Variants in ANKRD52 observed in about 807,000 individuals in gnomAD.
ANKRD52 encodes serine/threonine-protein phosphatase 6 regulatory ankyrin repeat subunit C.
Under a neutral mutation model 116.0 loss-of-function variants are expected in ANKRD52, and 7 were observed. That is an observed-to-expected ratio of 0.06 (90% CI 0.03 to 0.11). The LOEUF (loss-of-function observed/expected upper bound fraction) is 0.11, where lower values mean the gene tolerates loss of function less well. Among genes scored for constraint, ANKRD52 ranks in the 10% least tolerant of loss-of-function variants. The probability of loss-of-function intolerance (pLI) is 1.00; values close to 1 mark genes in which losing one functional copy is unlikely to be tolerated. For synonymous variants in ANKRD52, 528 were observed against 578.1 expected (o/e 0.91, Z 1.24); for missense variants, 839 against 1,408.6 (o/e 0.60, Z 6.47).
At chr12:56,250,821 A>T (rs1446346915) in intron 15 of ANKRD52, among the ~76,000 whole-genome samples, 1 of 151,960 alleles carries the variant, frequency 6.6e-6, no homozygotes, top group Non-Finnish European at 1.5e-5. Context: ...TCCCGTCATT[A>T]ACATCTTACA....
At position 56,248,913 on chromosome 12, in the gene ANKRD52, C is replaced by T. The variant is rs1214702798; in HGVS notation, c.1593-43G>A. The T allele has an allele frequency of 1.4e-6, 2 of 1,424,900 alleles. No homozygotes were observed. The highest frequency in any genetic ancestry group is 4.3e-5 in the Admixed American group (2 of 46,380). The allele number at this position is 1,424,900 out of a possible 1,614,324, so 88.3% of individuals were successfully genotyped here. Reference sequence around the variant, plus strand: ...GACTGTGAGGCAGGGACAGGCCCAGCCCAGGAGGGCACAGTTCTGGGAGGG... The same window carrying T: ...GACTGTGAGGCAGGGACAGGCCCAGTCCAGGAGGGCACAGTTCTGGGAGGG... On this transcript the variant is annotated intron_variant, in intron 15 of 27. Transcript: ENST00000267116. This position sits in a 1 kb window ranked among gnomAD's most constrained non-coding sequence, Gnocchi z 5.1.
At chr12:56,249,794 C>T (rs1422489855) in intron 15 of ANKRD52, among the ~76,000 whole-genome samples, 4 of 152,100 alleles carry the variant, frequency 2.6e-5, no homozygotes, top group Non-Finnish European at 5.9e-5. Context: ...AATCCTAGCA[C>T]TTTGGGAGGC....
At position 56,244,731 on chromosome 12, in the gene ANKRD52, T is replaced by C; in HGVS notation, c.2643A>G (p.Gln881=). 6.2e-7 allele frequency: 1 copy of C among 1,613,884 alleles called. No homozygotes were observed. Among genetic ancestry groups the C allele is most frequent in the Non-Finnish European group, 8.5e-7 (1 of 1,179,882 alleles). The change falls in exon 24 of 28, where the codon CAA becomes CAG. Residue 881 remains glutamine, a synonymous_variant. Coordinates refer to ENST00000267116, the MANE Select transcript of ANKRD52 (RefSeq NM_173595.4). The surrounding 1 kb of genome is among the most constrained non-coding windows in gnomAD (Gnocchi z 4.9). ...VSGLRMLLQH[Q]AEVNATDHTG... is the part of the protein sequence containing the mutation. The stretch of plus-strand genomic sequence containing the variant: ...TGTGGTCAGTGGCGTTCACCTCAGC[T>C]TGATGCTGCAGCAGCATCCGGAGCC...
At position 56,254,989 on chromosome 12, in the gene ANKRD52, G is replaced by A; in HGVS notation, c.463-37C>T. The A allele has an allele frequency of 3.1e-6, 5 of 1,589,764 alleles. No individual in the cohort carries two copies. Among genetic ancestry groups the A allele is most frequent in the Non-Finnish European group, 4.3e-6 (5 of 1,159,394 alleles). On this transcript the variant is annotated intron_variant, in intron 5 of 27. Transcript: ENST00000267116. This position sits in a 1 kb window ranked among gnomAD's most constrained non-coding sequence, Gnocchi z 4.6. ...TATGAAAGACACCTGTTCAGAGCTA[G>A]ATTCGTGCCCTCAACCTACCTAAGA...
chr12:56,251,004 G>A lies in ANKRD52; in HGVS notation c.1592+1011C>T, dbSNP rs536815784. Among the ~76,000 whole-genome samples, 5 of 152,162 alleles carry A rather than the reference G, an allele frequency of 3.3e-5. No individual in the cohort carries two copies. The South Asian group carries it at 1.0e-3, about 32-fold the overall frequency. ...CGCCCAGGTTGGAGTGGATTAGTGT[G>A]ATCTTGACTCACTGCAACCTCCACC... On this transcript the variant is annotated intron_variant, in intron 15 of 27. Transcript: ENST00000267116.
rs1259755066 is a variant in ANKRD52 at position 56,241,308 on chromosome 12, G to A, written c.*1834C>T. ...ACACAGAGAGACAGGGGATCAAAAG[G>A]GACCATGAAAAGATAAGGACTTGGA... On this transcript the variant is annotated 3_prime_UTR_variant, in exon 28 of 28. Transcript: ENST00000267116. The A allele has an allele frequency of 6.6e-6, 1 of 152,112 alleles. No homozygotes were observed. Among genetic ancestry groups the A allele is most frequent in the Non-Finnish European group, 1.5e-5 (1 of 68,036 alleles). The allele number at this position is 152,112 out of a possible 1,614,324, so 9.4% of individuals were successfully genotyped here.
Position 56,245,083 on chromosome 12 carries a change from A to G in ANKRD52, c.2492+20T>C, listed in dbSNP as rs1871335189. 1 of 1,613,526 alleles carries G rather than the reference A, an allele frequency of 6.2e-7. No homozygotes were observed. The highest frequency in any genetic ancestry group is 1.7e-5 in the Admixed American group (1 of 60,004). ...TCATGGGCCCTCGCGAGAAGGGCTG[A>G]TGCAGCAGAAGGGACTTACACTGCA... On this transcript the variant is annotated intron_variant, in intron 22 of 27. Coordinates refer to ENST00000267116, the MANE Select transcript of ANKRD52 (RefSeq NM_173595.4).
Position 56,248,173 on chromosome 12 carries a change from T to A in ANKRD52, c.1828A>T (p.Asn610Tyr). The A allele has an allele frequency of 6.2e-7, 1 of 1,613,964 alleles. No homozygotes were observed. The highest frequency in any genetic ancestry group is 2.2e-5 in the East Asian group (1 of 44,890). Residue 610 changes from asparagine to tyrosine, a missense_variant, in exon 18 of 28, where the codon AAT becomes TAT. Asn to Tyr is a moderately radical substitution (Grantham distance 143). Around this residue, in one of 2 missense-constraint regions of ANKRD52, gnomAD observed 552 missense variants for 810.6 expected, o/e 0.68. Transcript: ENST00000267116. This position sits in a 1 kb window ranked among gnomAD's most constrained non-coding sequence, Gnocchi z 5.1. ...CCCTTGTGGTCCCTTACGTCCAGATTCACCAGCGTCTCCGCCAGCGTCTTC... is the reference window on the plus strand; with the variant it reads ...CCCTTGTGGTCCCTTACGTCCAGATACACCAGCGTCTCCGCCAGCGTCTTC... ...ALKTLAETLV[N>Y]LDVRDHKGRT...
Position 56,244,842 on chromosome 12 carries a change from C to T in ANKRD52, c.2577-45G>A. 6.2e-7 allele frequency: 1 copy of T among 1,613,846 alleles called. No individual in the cohort carries two copies. The highest frequency in any genetic ancestry group is 8.5e-7 in the Non-Finnish European group (1 of 1,179,842). On this transcript the variant is annotated intron_variant, in intron 23 of 27. Coordinates refer to ENST00000267116, the MANE Select transcript of ANKRD52 (RefSeq NM_173595.4). This position sits in a 1 kb window ranked among gnomAD's most constrained non-coding sequence, Gnocchi z 4.9. Reference sequence around the variant, plus strand: ...GTAGATTAAAATAGGGAAGAGTATACTGCCCAAGCAGAAAGGGGAAGCCAG... The same window carrying T: ...GTAGATTAAAATAGGGAAGAGTATATTGCCCAAGCAGAAAGGGGAAGCCAG...
rs1246069052 is a variant in ANKRD52, at chr12:56,247,360, A to G, written c.2184+133T>C. The stretch of plus-strand genomic sequence containing the variant: ...AGACCCTGTCTCAAAAAAAAAAAAA[A>G]AAAAGAAAAAGAAAAAAGACGGCAC... On this transcript the variant is annotated intron_variant, in intron 20 of 27. Coordinates refer to ENST00000267116, the MANE Select transcript of ANKRD52 (RefSeq NM_173595.4). 1.8e-5 allele frequency: 14 copies of G among 767,540 alleles called. No homozygotes were observed. In the South Asian group the frequency reaches 2.3e-4, roughly 13 times the overall value. The allele number at this position is 767,540 out of a possible 1,614,324, so 47.5% of individuals were successfully genotyped here.
At position 56,248,507 on chromosome 12, in the gene ANKRD52, A is replaced by C. The variant is rs757885595; in HGVS notation, c.1764T>G (p.Pro588=). ...ACGTGGGACTCACAGCTAAGTGCAAAGGGCTGACTGGAATGGTGCTCTCCA... is the reference window on the plus strand; with the variant it reads ...ACGTGGGACTCACAGCTAAGTGCAACGGGCTGACTGGAATGGTGCTCTCCA... ...EDVESTIPVS[P]LHLAAYNGHC... is the part of the protein sequence containing the mutation. Residue 588 remains proline (P), a synonymous_variant, in exon 17 of 28, where the codon CCT becomes CCG. Coordinates refer to ENST00000267116, the MANE Select transcript of ANKRD52 (RefSeq NM_173595.4). The surrounding 1 kb of genome is among the most constrained non-coding windows in gnomAD (Gnocchi z 5.1). 1 of 1,595,596 alleles carries C rather than the reference A, an allele frequency of 6.3e-7. No homozygotes were observed. The highest frequency in any genetic ancestry group is 8.5e-7 in the Non-Finnish European group (1 of 1,171,162).
In ANKRD52 at chr12:56,252,247, G is replaced by A; in HGVS notation, c.1439C>T (p.Ala480Val). ...QCAVTLVTAG[A>V]GVNEADCKGC... ...TTTACAGTCGGCCTCGTTGACACCT[G>A]CCCCAGCAGTCACCAATGTTACTGC... The change falls in exon 14 of 28, where the codon GCA (alanine) becomes GTA (valine). Residue 480 changes from alanine to valine, a missense_variant. Around this residue, in one of 2 missense-constraint regions of ANKRD52, gnomAD observed 552 missense variants for 810.6 expected, o/e 0.68. Transcript: ENST00000267116. The surrounding 1 kb of genome is among the most constrained non-coding windows in gnomAD (Gnocchi z 4.7). 1 of 1,613,986 alleles carries A rather than the reference G, an allele frequency of 6.2e-7. No individual in the cohort carries two copies. The highest frequency in any genetic ancestry group is 1.1e-5 in the South Asian group (1 of 91,084).
In ANKRD52 at chr12:56,243,984, A is replaced by G; in HGVS notation, c.2888+67T>C. 1 of 1,604,218 alleles carries G rather than the reference A, an allele frequency of 6.2e-7. No individual in the cohort carries two copies. Among genetic ancestry groups the G allele is most frequent in the Non-Finnish European group, 8.5e-7 (1 of 1,172,914 alleles). On this transcript the variant is annotated intron_variant, in intron 26 of 27. Coordinates refer to ENST00000267116, the MANE Select transcript of ANKRD52 (RefSeq NM_173595.4). This position sits in a 1 kb window ranked among gnomAD's most constrained non-coding sequence, Gnocchi z 4.6. Reference sequence around the variant, plus strand: ...ACAATGGGCTCCAGAGAGCCTCTGAACAGCGGCCACTCTTTCATCACCCAC... The same window carrying G: ...ACAATGGGCTCCAGAGAGCCTCTGAGCAGCGGCCACTCTTTCATCACCCAC...
chr12:56,247,346 C>CAAAAA (rs1007977970), intron 20 of ANKRD52, 147 bp downstream of exon 20: 4 of 490,218 alleles, frequency 8.2e-6, no homozygotes, highest in Non-Finnish European at 1.3e-5. Flanking sequence ...GACCCTGTCT[C>CAAAAA]AAAAAAAAAA....
At position 56,252,860 on chromosome 12, in the gene ANKRD52, C is replaced by G. The variant is rs373055055; in HGVS notation, c.1221G>C (p.Glu407Asp). ...TGTCAAACCCAGCTGAAAGCACATG[C>G]TCATTGCTGAGTGAAGACACAATGC... ...LYSIVSSLSN[E>D]HVLSAGFDIN... Residue 407 changes from glutamate (E) to aspartate (D), a missense_variant, in exon 12 of 28, where the codon GAG (glutamate) becomes GAC (aspartate). Around this residue, in one of 2 missense-constraint regions of ANKRD52, gnomAD observed 287 missense variants for 598.1 expected, o/e 0.48. Transcript: ENST00000267116. This position sits in a 1 kb window ranked among gnomAD's most constrained non-coding sequence, Gnocchi z 4.7. 7 of 1,613,990 alleles carry G rather than the reference C, an allele frequency of 4.3e-6. No homozygotes were observed. The highest frequency in any genetic ancestry group is 5.9e-6 in the Non-Finnish European group (7 of 1,179,892).
At position 56,244,318 on chromosome 12, in the gene ANKRD52, C is replaced by T; in HGVS notation, c.2805+35G>A. On this transcript the variant is annotated intron_variant, in intron 25 of 27. Transcript: ENST00000267116. This position sits in a 1 kb window ranked among gnomAD's most constrained non-coding sequence, Gnocchi z 4.9. ...TTACCTCTCTTCATCAAGCTCTGCC[C>T]CTTATGCAGTCCCCCAATCACTTCA... The T allele has an allele frequency of 6.2e-7, 1 of 1,606,798 alleles. No homozygotes were observed. The highest frequency in any genetic ancestry group is 8.5e-7 in the Non-Finnish European group (1 of 1,173,546).
At chr12:56,256,236 A>G (rs1871946609) in intron 4 of ANKRD52, among the ~76,000 whole-genome samples, 1 of 152,170 alleles carries the variant, frequency 6.6e-6, no homozygotes, top group Non-Finnish European at 1.5e-5. Flanking sequence ...TGACTCGCCA[A>G]CTTAGACCCT....
At chr12:56,251,120 T>C (rs1406313121) in intron 15 of ANKRD52, among the ~76,000 whole-genome samples, 1 of 151,988 alleles carries the variant, frequency 6.6e-6, no homozygotes, top group Non-Finnish European at 1.5e-5. Flanking sequence ...TTTATATTTT[T>C]AGTAGAGACG....
chr12:56,255,843 C>G lies in ANKRD52; in HGVS notation c.403G>C (p.Val135Leu), dbSNP rs368473098. The change falls in exon 5 of 28, where the codon GTG becomes CTG. Residue 135 changes from valine to leucine, a missense_variant. This residue lies in a region of ANKRD52 where 287 missense variants were observed against 598.1 expected (regional missense o/e 0.48). Transcript: ENST00000267116. The surrounding 1 kb of genome is among the most constrained non-coding windows in gnomAD (Gnocchi z 4.3). ...GCACTGCGCCCGCTCCTGTCAGCCA[C>G]GTTGAGGCTGCTCAACAGGGGTGCC... ...ALAPLLSSLN[V>L]ADRSGRSALH... 9 of 1,579,448 alleles carry G rather than the reference C, an allele frequency of 5.7e-6. No individual in the cohort carries two copies. The highest frequency in any genetic ancestry group is 6.0e-6 in the Non-Finnish European group (7 of 1,162,690).
Sources: gnomAD v4.1 joint callset for allele counts (sites outside exome capture counted in the v4.1 genomes callset) on GRCh38, gnomAD v4.1.1 for gene constraint, gnomAD v4.1.1 regional missense constraint, Gnocchi (gnomAD v3.1) non-coding constraint, MANE v1.5 for transcripts, NCBI Gene and HGNC (gene_info 2026-07-23, HGNC 2026-07-21) for gene names.